Variants in CLCN3 observed in about 807,000 individuals in gnomAD.
CLCN3 encodes H(+)/Cl(-) exchange transporter 3.
CLCN3 carries 16 observed loss-of-function variants against 83.4 expected under a neutral mutation model. The ratio of observed to expected loss-of-function variants is 0.19; its 90% CI spans 0.13 to 0.29. The LOEUF (loss-of-function observed/expected upper bound fraction) is 0.29. Among genes scored for constraint, CLCN3 ranks in the 10% least tolerant of loss-of-function variants. The probability of loss-of-function intolerance (pLI) is 1.00; values close to 1 mark genes in which losing one functional copy is unlikely to be tolerated. For synonymous variants in CLCN3, 322 were observed against 346.2 expected (o/e 0.93, Z 0.78); for missense variants, 544 against 1,006.0 (o/e 0.54, Z 6.21).
rs764943285 is a variant in CLCN3, at chr4:169,692,281, C to T, written c.897C>T (p.Leu299=). The T allele has an allele frequency of 1.9e-6, 3 of 1,613,320 alleles. No homozygotes were observed. Among genetic ancestry groups the T allele is most frequent in the Non-Finnish European group, 2.5e-6 (3 of 1,179,464 alleles). The change falls in exon 7 of 13, where the codon CTC becomes CTT. Residue 299 remains leucine (L), a synonymous_variant. Transcript: ENST00000513761. The stretch of plus-strand genomic sequence containing the variant: ...GCTGCGGAAATATCTTTTCCTACCT[C>T]TTTCCAAAGTATAGCACAAACGAAG... The part of the protein sequence containing the change: ...ACCCGNIFSY[L]FPKYSTNEAK...
chr4:169,703,963 T>A (rs1732893704), intron 9 of CLCN3, 35 bp from the exon 10 acceptor site: 2 of 1,594,406 alleles, frequency 1.3e-6, no homozygotes, highest in Non-Finnish European at 1.7e-6. Flanking sequence ...GAGTAGAGGA[T>A]CTCTGCTCCA....
At chr4:169,650,195 T>G (rs184563060) in intron 2 of CLCN3, among the ~76,000 whole-genome samples, 1 of 152,322 alleles carries the variant, frequency 6.6e-6, no homozygotes, top group East Asian at 1.9e-4. Flanking sequence ...AGCTCTTTGT[T>G]TGATATTAAC....
chr4:169,653,333 G>A (rs1052215754), intron 2 of CLCN3, among the ~76,000 whole-genome samples: 2 of 151,878 alleles, frequency 1.3e-5, no homozygotes, highest in East Asian at 1.9e-4. Flanking sequence ...ACTTGAGGCC[G>A]GACAATTTAT....
At chr4:169,687,181 T>C (rs932411912) in intron 3 of CLCN3, among the ~76,000 whole-genome samples, 2 of 152,236 alleles carry the variant, frequency 1.3e-5, no homozygotes, top group Non-Finnish European at 2.9e-5. Flanking sequence ...AAAAGATGGT[T>C]ATGTGTACCA....
chr4:169,625,386 T>C (rs577957225), intron 1 of CLCN3, among the ~76,000 whole-genome samples: 1 of 152,286 alleles, frequency 6.6e-6, no homozygotes, highest in African/African-American at 2.4e-5. Context: ...GACAAAACTT[T>C]GTTGGGAACC....
chr4:169,652,710 T>C (rs1033019689), intron 2 of CLCN3, among the ~76,000 whole-genome samples: 28 of 152,212 alleles, frequency 1.8e-4, no homozygotes, highest in African/African-American at 6.3e-4. Context: ...TGTTTCAGTA[T>C]ACATTCAGAC....
At chr4:169,689,832 C>T (rs1198792501) in intron 5 of CLCN3, among the ~76,000 whole-genome samples, 4 of 152,066 alleles carry the variant, frequency 2.6e-5, no homozygotes, top group Admixed American at 2.6e-4. Context: ...CTGTTTCTCA[C>T]CTGGCTTAAT....
At chr4:169,649,023 TA>T (rs34046047) in intron 2 of CLCN3, among the ~76,000 whole-genome samples, 75,035 of 136,934 alleles carry the variant, frequency 0.55, 20,726 homozygotes, top group East Asian at 0.79. Flanking sequence ...GGAGAATATC[TA>T]AAAAAAAAAA....
chr4:169,668,728 T>G (rs1365504074), intron 2 of CLCN3, among the ~76,000 whole-genome samples: 1 of 142,832 alleles, frequency 7.0e-6, no homozygotes, highest in East Asian at 1.9e-4. Flanking sequence ...AAAAAGTTTT[T>G]GATTTTTTTT....
At chr4:169,681,101 T>A (rs1731919780) in intron 3 of CLCN3, among the ~76,000 whole-genome samples, 1 of 152,104 alleles carries the variant, frequency 6.6e-6, no homozygotes, top group Non-Finnish European at 1.5e-5. Flanking sequence ...CAAACTGGAG[T>A]GCAGTGGTGC....
intron 2 of CLCN3, among the ~76,000 whole-genome samples, chr4:169,651,972 A>G (rs111781463): frequency 2.2e-4 from 34 of 152,308 alleles, no homozygotes; most frequent in African/African-American, 6.3e-4. Context: ...GTAGGGAAAA[A>G]AAGAAGAAAT....
At chr4:169,635,467 T>C (rs1773478236) in intron 1 of CLCN3, among the ~76,000 whole-genome samples, 2 of 152,114 alleles carry the variant, frequency 1.3e-5, no homozygotes. Context: ...AAATAAATAT[T>C]TTAAAATTTT....
At chr4:169,714,304 GT>G (rs1282649672) in intron 12 of CLCN3, among the ~76,000 whole-genome samples, 3 of 150,524 alleles carry the variant, frequency 2.0e-5, no homozygotes, top group Admixed American at 2.0e-4. Context: ...TTTTTAACAT[GT>G]TGTAGAAAAC....
intron 7 of CLCN3, among the ~76,000 whole-genome samples, chr4:169,693,986 C>T (rs1293426721): frequency 6.6e-6 from 1 of 151,914 alleles, no homozygotes; most frequent in Non-Finnish European, 1.5e-5. Context: ...TTCTTAGATA[C>T]GTATGAAATG....
At chr4:169,710,632 G>A (rs1733176151) in intron 11 of CLCN3, among the ~76,000 whole-genome samples, 1 of 152,072 alleles carries the variant, frequency 6.6e-6, no homozygotes, top group South Asian at 2.1e-4. Context: ...CTGGTACTTT[G>A]TATATAAGAG....
At chr4:169,647,202 C>A (rs1177287611) in intron 2 of CLCN3, among the ~76,000 whole-genome samples, 2 of 151,994 alleles carry the variant, frequency 1.3e-5, no homozygotes, top group Non-Finnish European at 2.9e-5. Flanking sequence ...CCAGCCTGGG[C>A]AATATGGCGA....
chr4:169,635,094 T>C (rs1773470315), intron 1 of CLCN3, among the ~76,000 whole-genome samples: 1 of 152,166 alleles, frequency 6.6e-6, no homozygotes, highest in African/African-American at 2.4e-5. Context: ...CTGTGCTTAC[T>C]TTAGTCTTCA....
At chr4:169,627,933 G>T (rs1480678858) in intron 1 of CLCN3, among the ~76,000 whole-genome samples, 2 of 152,176 alleles carry the variant, frequency 1.3e-5, no homozygotes, top group Admixed American at 1.3e-4. Context: ...AGACTGTGTG[G>T]TATGGGCATA....
intron 9 of CLCN3, among the ~76,000 whole-genome samples, chr4:169,701,981 G>T (rs1323859502): frequency 6.6e-6 from 1 of 152,098 alleles, no homozygotes; most frequent in African/African-American, 2.4e-5. Context: ...TTGCTTACCA[G>T]CCAAATGTCC....
Sources: gnomAD v4.1 joint callset for allele counts (sites outside exome capture counted in the v4.1 genomes callset) on GRCh38, gnomAD v4.1.1 for gene constraint, MANE v1.5 for transcripts, NCBI Gene and HGNC (gene_info 2026-07-23, HGNC 2026-07-21) for gene names.